DIS3L2: variants seen among roughly 807,000 people sequenced by gnomAD.
DIS3L2 encodes the protein DIS3-like exonuclease 2.
DIS3L2 carries 34 observed loss-of-function variants against 97.5 expected under a neutral mutation model. The observed-to-expected ratio is 0.35, with a 90% CI of 0.27 to 0.46. The LOEUF (loss-of-function observed/expected upper bound fraction) is 0.46. Among genes scored for constraint, DIS3L2 ranks in the 20% least tolerant of loss-of-function variants. The pLI is 1.00. For missense variants in DIS3L2, 1,038 were observed against 1,146.0 expected, an observed-to-expected ratio of 0.91 and a Z score of 1.36; for synonymous variants, 435 against 445.2, an observed-to-expected ratio of 0.98 and a Z score of 0.29.
intron 5 of DIS3L2, among the ~76,000 whole-genome samples, chr2:232,087,029 A>G (rs1696680493): frequency 6.6e-6 from 1 of 152,044 alleles, no homozygotes; most frequent in Non-Finnish European, 1.5e-5. Flanking sequence ...TCTTGTTCAC[A>G]CTTAATTTTG....
At position 232,293,199 on chromosome 2, in the gene DIS3L2, TGG is replaced by T. The variant is rs1694645690; in HGVS notation, c.1660-6840_1660-6839del. Among the ~76,000 whole-genome samples, 1 of 152,098 alleles carries T rather than the reference TGG, an allele frequency of 6.6e-6. No homozygotes were observed. Among genetic ancestry groups the T allele is most frequent in the Non-Finnish European group, 1.5e-5 (1 of 68,024 alleles). On this transcript the variant is annotated intron_variant, in intron 13 of 20. Coordinates refer to ENST00000325385, the MANE Select transcript of DIS3L2 (RefSeq NM_152383.5). This position sits in a 1 kb window ranked among gnomAD's most constrained non-coding sequence, Gnocchi z 4.6. ...GTGCCTCTTGAGGGTGCTGACAAGA[TGG>T]CAACACCTGAACACTGAGAGTGTCT...
chr2:232,172,042 A>G (rs1286469256), intron 9 of DIS3L2, among the ~76,000 whole-genome samples: 1 of 152,240 alleles, frequency 6.6e-6, no homozygotes, highest in Non-Finnish European at 1.5e-5. Flanking sequence ...TGGAAATTAT[A>G]CTATAATGAT....
intron 1 of DIS3L2, among the ~76,000 whole-genome samples, chr2:231,992,561 C>T (rs948056891): frequency 2.0e-5 from 3 of 152,172 alleles, no homozygotes; most frequent in South Asian, 2.1e-4. Flanking sequence ...CAACAGCTCA[C>T]GAACTCCACA....
chr2:232,026,534 C>T lies in DIS3L2; in HGVS notation c.264+2204C>T, dbSNP rs77840837. Among the ~76,000 whole-genome samples, 1,346 of 151,942 alleles carry T rather than the reference C, an allele frequency of 8.9e-3. 9 individuals carry two copies. Among genetic ancestry groups the T allele is most frequent in the Non-Finnish European group, 0.013 (886 of 67,954 alleles). ...AATACCTGCCATTGAGTGGAGGCAC[C>T]CCCATTGAGGGGGTGCCTCCGGTGG... On this transcript the variant is annotated intron_variant, in intron 4 of 20. Transcript: ENST00000325385.
intron 14 of DIS3L2, among the ~76,000 whole-genome samples, chr2:232,321,742 T>A (rs1695442970): frequency 6.6e-6 from 1 of 152,208 alleles, no homozygotes; most frequent in Non-Finnish European, 1.5e-5. Context: ...GCCTGAGTGC[T>A]GCTTCTGCCC....
chr2:232,213,292 A>G (rs1007459190), intron 10 of DIS3L2, among the ~76,000 whole-genome samples: 2 of 152,202 alleles, frequency 1.3e-5, no homozygotes, highest in African/African-American at 4.8e-5. Context: ...TCAGTAGCCT[A>G]CTGCACCAGG....
intron 11 of DIS3L2, among the ~76,000 whole-genome samples, chr2:232,240,056 T>A (rs1693038733): frequency 6.6e-6 from 1 of 152,188 alleles, no homozygotes; most frequent in Non-Finnish European, 1.5e-5. Context: ...CTGAGACCCT[T>A]TGCTCCTGCT....
chr2:232,185,932 T>C (rs1461567766), intron 9 of DIS3L2, among the ~76,000 whole-genome samples: 1 of 150,340 alleles, frequency 6.7e-6, no homozygotes, highest in African/African-American at 2.4e-5. Context: ...GTCAATAAAA[T>C]TGGAAATTGG....
chr2:231,971,884 C>CT (rs1231676925), intron 1 of DIS3L2, among the ~76,000 whole-genome samples: 1 of 147,776 alleles, frequency 6.8e-6, no homozygotes, highest in Non-Finnish European at 1.5e-5. Flanking sequence ...CCCGGCCCAT[C>CT]TTTTTTAAAT....
chr2:232,053,742 G>A (rs1695471079), intron 5 of DIS3L2, among the ~76,000 whole-genome samples: 1 of 152,190 alleles, frequency 6.6e-6, no homozygotes, highest in South Asian at 2.1e-4. Context: ...GTGCCTCTAT[G>A]GAGGGGCATG....
At chr2:232,052,656 C>A (rs78083995) in intron 5 of DIS3L2, among the ~76,000 whole-genome samples, 8,945 of 152,260 alleles carry the variant, frequency 0.059, 341 homozygotes, top group Admixed American at 0.098. Context: ...TACACAGTTT[C>A]CTTTGCTTGC....
At chr2:232,008,164 C>T (rs1312048780) in intron 1 of DIS3L2, among the ~76,000 whole-genome samples, 1 of 151,432 alleles carries the variant, frequency 6.6e-6, no homozygotes, top group Non-Finnish European at 1.5e-5. Flanking sequence ...AGGTGTATGC[C>T]ACCATGTCCA....
chr2:232,306,665 A>G lies in DIS3L2; in HGVS notation c.1739+6546A>G, dbSNP rs567706720. Among the ~76,000 whole-genome samples the G allele has an allele frequency of 5.3e-5, 8 of 152,358 alleles. No individual in the cohort carries two copies. The South Asian group carries it at 1.7e-3, about 32-fold the overall frequency. On this transcript the variant is annotated intron_variant, in intron 14 of 20. Coordinates refer to ENST00000325385, the MANE Select transcript of DIS3L2 (RefSeq NM_152383.5). ...ATGGTCACTCATTTAGCAAATGTAT[A>G]GAGAATATCTGCTATATACCTGTAT...
At chr2:231,981,953 G>T (rs925497773) in intron 1 of DIS3L2, among the ~76,000 whole-genome samples, 3 of 151,106 alleles carry the variant, frequency 2.0e-5, no homozygotes, top group Admixed American at 2.0e-4. Context: ...AGAATCGCTT[G>T]AACCTGGGAG....
intron 1 of DIS3L2, among the ~76,000 whole-genome samples, chr2:231,994,406 A>G (rs1440324036): frequency 2.0e-5 from 3 of 152,108 alleles, no homozygotes; most frequent in African/African-American, 7.2e-5. Flanking sequence ...GCTTGTCTGT[A>G]TCTACAAAAG....
intron 10 of DIS3L2, among the ~76,000 whole-genome samples, chr2:232,216,515 G>A (rs1692338776): frequency 6.6e-6 from 1 of 151,848 alleles, no homozygotes; most frequent in South Asian, 2.1e-4. Flanking sequence ...GGTTTGATTG[G>A]TCACCTTCTC....
chr2:232,034,459 C>CT (rs768299558), intron 5 of DIS3L2, among the ~76,000 whole-genome samples: 9 of 152,156 alleles, frequency 5.9e-5, no homozygotes, highest in Admixed American at 5.2e-4. Flanking sequence ...TTTCATGTCT[C>CT]TATCTCCTTC....
In DIS3L2 at chr2:232,163,652, T is replaced by A. The variant is rs1481408352; in HGVS notation, c.1124+20T>A. The A allele has an allele frequency of 2.5e-6, 4 of 1,608,506 alleles. No individual in the cohort carries two copies. The highest frequency in any genetic ancestry group is 3.4e-6 in the Non-Finnish European group (4 of 1,178,200). On this transcript the variant is annotated intron_variant, in intron 9 of 20. Coordinates refer to ENST00000325385, the MANE Select transcript of DIS3L2 (RefSeq NM_152383.5). ...TTTAAGGTAAGCACCTGAAACCCTT[T>A]AAGAACGTATATCTCCCTTTCTGCC...
At chr2:232,273,504 G>T (rs547959767) in intron 13 of DIS3L2, among the ~76,000 whole-genome samples, 5 of 152,324 alleles carry the variant, frequency 3.3e-5, no homozygotes, top group Non-Finnish European at 5.9e-5. Context: ...AGCCAGGGCG[G>T]TTTTCTTTCC....
Sources: allele counts gnomAD v4.1 joint callset (sites outside exome capture counted in the v4.1 genomes callset), GRCh38; gene constraint gnomAD v4.1.1; non-coding constraint Gnocchi (gnomAD v3.1); transcripts MANE v1.5; gene names NCBI Gene and HGNC (gene_info 2026-07-23, HGNC 2026-07-21).